RBL1: variants seen among roughly 807,000 people sequenced by gnomAD.
RBL1 encodes RB transcriptional corepressor like 1.
Under a neutral mutation model 123.0 loss-of-function variants are expected in RBL1, and 82 were observed. The observed-to-expected ratio is 0.67, with a 90% CI of 0.56 to 0.80. The LOEUF (loss-of-function observed/expected upper bound fraction) is 0.80. RBL1 is among the 30% of genes least tolerant of loss of function. The pLI is 0.00. For missense variants in RBL1, 1,171 were observed against 1,299.6 expected (o/e 0.90, Z 1.52); for synonymous variants, 405 against 441.3 (o/e 0.92, Z 1.03).
intron 15 of RBL1, among the ~76,000 whole-genome samples, chr20:37,034,788 A>G (rs952552318): frequency 1.3e-5 from 2 of 152,148 alleles, no homozygotes; most frequent in Non-Finnish European, 2.9e-5. Context: ...CTATAGGTTC[A>G]AAACAAAAAG....
At chr20:37,086,413 C>G (rs1055415418) in intron 2 of RBL1, among the ~76,000 whole-genome samples, 1 of 151,864 alleles carries the variant, frequency 6.6e-6, no homozygotes, top group Non-Finnish European at 1.5e-5. Context: ...ATGGTGAAAC[C>G]CTCTCCCTAT....
rs764345668 is a variant in RBL1, at chr20:37,020,721, CT to C, written c.2568del (p.Glu857LysfsTer9). ...ATAATTTCTTGAAAAGTTCTTTCTT[CT>C]TTTGTTACCTAAGGAAAATAAAAAC... ...CAFYIMAKVT[K>X]EERTFQEIMK... On this transcript the variant is annotated frameshift_variant, in exon 18 of 22. Transcript: ENST00000373664. LOFTEE classifies it high-confidence loss of function. 2 of 1,575,646 alleles carry C rather than the reference CT, an allele frequency of 1.3e-6. No individual in the cohort carries two copies. Among genetic ancestry groups the C allele is most frequent in the African/African-American group, 2.7e-5 (2 of 74,160 alleles).
At chr20:37,017,910 C>T (rs1490554632) in intron 19 of RBL1, among the ~76,000 whole-genome samples, 1 of 152,138 alleles carries the variant, frequency 6.6e-6, no homozygotes, top group African/African-American at 2.4e-5. Flanking sequence ...GCTGGAATTA[C>T]AGGTGTGAGC....
At chr20:37,049,719 T>C in intron 11 of RBL1, 1 of 648,358 alleles carries the variant, frequency 1.5e-6, no homozygotes, top group Non-Finnish European at 2.7e-6. Flanking sequence ...TGTGTATGAG[T>C]TAATAAAAGA....
Position 37,040,300 on chromosome 20 carries a change from A to C in RBL1, c.1771-15T>G, listed in dbSNP as rs765123892. On this transcript the variant is annotated splice_polypyrimidine_tract_variant and intron_variant, in intron 13 of 21. Coordinates refer to ENST00000373664, the MANE Select transcript of RBL1 (RefSeq NM_002895.5). ...GGGAATATAACCTGTAGAAAACAAA[A>C]ACCCTTTGATTTACATATAGATAAA... 5 of 1,609,086 alleles carry C rather than the reference A, an allele frequency of 3.1e-6. No individual in the cohort carries two copies. Among genetic ancestry groups the C allele is most frequent in the Non-Finnish European group, 4.2e-6 (5 of 1,178,662 alleles).
chr20:37,000,532 C>T (rs1476073717), intron 21 of RBL1, among the ~76,000 whole-genome samples: 30 of 140,634 alleles, frequency 2.1e-4, no homozygotes, highest in Middle Eastern at 4.2e-3. Context: ...TCTGCCCGGC[C>T]GCCCCTACTG....
At chr20:37,035,758 C>A (rs1044043405) in intron 14 of RBL1, among the ~76,000 whole-genome samples, 1 of 152,106 alleles carries the variant, frequency 6.6e-6, no homozygotes, top group Admixed American at 6.6e-5. Context: ...ATTAAAGGAG[C>A]AAAACATTAA....
chr20:37,063,689 T>C (rs2065132095), intron 7 of RBL1, among the ~76,000 whole-genome samples: 1 of 151,776 alleles, frequency 6.6e-6, no homozygotes, highest in African/African-American at 2.4e-5. Context: ...TTTTTGTATT[T>C]TTAGTAGAGA....
chr20:37,052,726 T>C (rs1325710185), intron 11 of RBL1, among the ~76,000 whole-genome samples: 1 of 152,160 alleles, frequency 6.6e-6, no homozygotes, highest in African/African-American at 2.4e-5. Context: ...GTCAGGCTGG[T>C]CTCGAACTCC....
chr20:37,068,110 C>G lies in RBL1; in HGVS notation c.367G>C (p.Glu123Gln), dbSNP rs1356247742. The G allele has an allele frequency of 1.2e-6, 2 of 1,612,684 alleles. No individual in the cohort carries two copies. Among genetic ancestry groups the G allele is most frequent in the Non-Finnish European group, 8.5e-7 (1 of 1,179,760 alleles). Residue 123 changes from glutamate (E) to glutamine (Q), a missense_variant, in exon 3 of 22, where the codon GAA becomes CAA. Coordinates refer to ENST00000373664, the MANE Select transcript of RBL1 (RefSeq NM_002895.5). ...ACCTCAAAATTTCTCTCTAGCCTTT[C>G]TATACGTTCACGAAATTCTTGTGGT... ...NLPQEFRERIERLERNFEVST... is the reference protein window; with the variant it reads ...NLPQEFRERIQRLERNFEVST...
At chr20:37,049,330 T>C (rs969436075) in intron 11 of RBL1, 4 of 663,282 alleles carry the variant, frequency 6.0e-6, no homozygotes, top group African/African-American at 3.6e-5. Context: ...ACAGAAAATG[T>C]AAAGACCAAG....
chr20:37,039,519 T>C (rs554093189), intron 14 of RBL1, among the ~76,000 whole-genome samples: 23 of 152,298 alleles, frequency 1.5e-4, no homozygotes, highest in Non-Finnish European at 3.2e-4. Context: ...GATGGTTTTA[T>C]CAAGAGGAGT....
At chr20:37,089,212 C>A in intron 1 of RBL1, 90 bp from the exon 2 acceptor site, 2 of 1,280,016 alleles carry the variant, frequency 1.6e-6, no homozygotes, top group South Asian at 1.7e-5. Context: ...ATTATCTGGT[C>A]TCAATTTTCC....
At chr20:37,001,918 T>TA (rs757774894) in intron 21 of RBL1, among the ~76,000 whole-genome samples, 2,384 of 86,570 alleles carry the variant, frequency 0.028, 52 homozygotes, top group African/African-American at 0.076. Context: ...TGCAGAACAA[T>TA]AAAAAAAAAA....
At chr20:37,037,885 CT>C (rs942274668) in intron 14 of RBL1, among the ~76,000 whole-genome samples, 2 of 151,810 alleles carry the variant, frequency 1.3e-5, no homozygotes, top group Non-Finnish European at 2.9e-5. Context: ...CCAGTTTTCA[CT>C]GTGTTGCCCG....
intron 20 of RBL1, 40 bp downstream of exon 20, chr20:37,007,371 G>A: frequency 1.3e-6 from 2 of 1,587,740 alleles, no homozygotes; most frequent in South Asian, 2.3e-5. Flanking sequence ...ATCCAACTAT[G>A]ACAGCAAATA....
At chr20:37,001,085 C>A (rs2063970122) in intron 21 of RBL1, among the ~76,000 whole-genome samples, 1 of 148,588 alleles carries the variant, frequency 6.7e-6, no homozygotes, top group Non-Finnish European at 1.5e-5. Context: ...GGGAGGTCAG[C>A]CCCCCGCCTG....
At chr20:37,031,905 C>CT (rs763127111) in intron 16 of RBL1, among the ~76,000 whole-genome samples, 1,405 of 129,994 alleles carry the variant, frequency 0.011, 18 homozygotes, top group East Asian at 0.035. Flanking sequence ...TACCTGGCTG[C>CT]TTTTTTTTTT....
chr20:37,039,885 C>T (rs113548393), intron 14 of RBL1, among the ~76,000 whole-genome samples: 2 of 152,076 alleles, frequency 1.3e-5, no homozygotes, highest in African/African-American at 4.8e-5. Flanking sequence ...CTTATTTAAA[C>T]AGTTCTCCAT....
Sources: allele counts gnomAD v4.1 joint callset (sites outside exome capture counted in the v4.1 genomes callset), GRCh38; gene constraint gnomAD v4.1.1; transcripts MANE v1.5; gene names NCBI Gene and HGNC (gene_info 2026-07-23, HGNC 2026-07-21).